The following POU6F2 variants were observed in gnomAD, a reference collection of about 807,000 sequenced individuals.
POU6F2 encodes the protein POU class 6 homeobox 2.
POU6F2 carries 31 observed loss-of-function variants against 71.3 expected under a neutral mutation model. The ratio of observed to expected loss-of-function variants is 0.43; its 90% CI spans 0.33 to 0.59. POU6F2 has a LOEUF of 0.59. Ranked by LOEUF, POU6F2 falls within the 20% of genes least tolerant of loss-of-function variation. The pLI is 0.04. For synonymous variants in POU6F2, 347 were observed against 355.7 expected (o/e 0.98, Z 0.27); for missense variants, 783 against 856.8 (o/e 0.91, Z 1.07).
intron 5 of POU6F2, among the ~76,000 whole-genome samples, chr7:39,390,761 G>A (rs73125530): frequency 0.11 from 17,392 of 152,226 alleles, 1,217 homozygotes; most frequent in Non-Finnish European, 0.15. Flanking sequence ...TGTTAGTGGC[G>A]TTACATGAGA....
intron 7 of POU6F2, among the ~76,000 whole-genome samples, chr7:39,449,671 A>T (rs1168745792): frequency 1.3e-5 from 2 of 152,200 alleles, no homozygotes; most frequent in African/African-American, 4.8e-5. Flanking sequence ...ACCTTTATTC[A>T]TCATAGCCCC....
intron 2 of POU6F2, among the ~76,000 whole-genome samples, chr7:39,154,855 G>T (rs1016830282): frequency 5.3e-5 from 8 of 152,158 alleles, no homozygotes; most frequent in Admixed American, 1.3e-4. Flanking sequence ...GCAAAATGGA[G>T]AAGGTGGCTG....
intron 4 of POU6F2, among the ~76,000 whole-genome samples, chr7:39,219,177 CTTAT>C (rs1794301393): frequency 6.6e-6 from 1 of 152,098 alleles, no homozygotes; most frequent in African/African-American, 2.4e-5. Context: ...TTGCTTACCC[CTTAT>C]TTAGCCGGAA....
chr7:39,044,976 G>C (rs1790261548), intron 1 of POU6F2, among the ~76,000 whole-genome samples: 1 of 151,826 alleles, frequency 6.6e-6, no homozygotes, highest in African/African-American at 2.4e-5. Context: ...ACCCTCACCA[G>C]ATGCAAATCT....
chr7:39,200,934 G>C (rs1185520428), intron 2 of POU6F2, among the ~76,000 whole-genome samples: 1 of 152,044 alleles, frequency 6.6e-6, no homozygotes, highest in Non-Finnish European at 1.5e-5. Flanking sequence ...GGCTGAAGCA[G>C]GAGGATTGCT....
At chr7:39,082,835 C>CACACAA (rs1178781890) in intron 1 of POU6F2, among the ~76,000 whole-genome samples, 3 of 149,072 alleles carry the variant, frequency 2.0e-5, no homozygotes, top group Admixed American at 6.7e-5. Flanking sequence ...CACACACACA[C>CACACAA]AAATATATAT....
At chr7:39,115,532 A>T (rs1376774156) in intron 2 of POU6F2, among the ~76,000 whole-genome samples, 1 of 152,078 alleles carries the variant, frequency 6.6e-6, no homozygotes, top group African/African-American at 2.4e-5. Flanking sequence ...ATGGCTTTAA[A>T]GCCAGCCCAG....
intron 2 of POU6F2, among the ~76,000 whole-genome samples, chr7:39,195,360 A>G (rs1342729481): frequency 1.3e-5 from 2 of 152,178 alleles, no homozygotes; most frequent in African/African-American, 2.4e-5. Context: ...ATCATTTTCA[A>G]TTGAAATAAT....
intron 1 of POU6F2, among the ~76,000 whole-genome samples, chr7:38,982,110 A>G (rs558127886): frequency 1.3e-5 from 2 of 152,288 alleles, no homozygotes; most frequent in Admixed American, 1.3e-4. Flanking sequence ...CCCTCTGTCA[A>G]TTTAGACTGA....
intron 3 of POU6F2, 119 bp downstream of exon 3, chr7:39,204,445 T>C (rs1415404336): frequency 1.3e-5 from 10 of 748,458 alleles, no homozygotes; most frequent in African/African-American, 1.8e-5. Flanking sequence ...AAGATGGTAA[T>C]AAATTTTCGT....
intron 2 of POU6F2, among the ~76,000 whole-genome samples, chr7:39,138,335 T>C (rs933758681): frequency 6.6e-6 from 1 of 152,176 alleles, no homozygotes; most frequent in Non-Finnish European, 1.5e-5. Flanking sequence ...AACCCCTGGA[T>C]CATGGATCAG....
At chr7:39,288,606 T>A (rs1784693472) in intron 4 of POU6F2, among the ~76,000 whole-genome samples, 2 of 152,208 alleles carry the variant, frequency 1.3e-5, no homozygotes, top group African/African-American at 2.4e-5. Context: ...GAATCATCTG[T>A]CCTACAGTGC....
chr7:39,376,620 C>T (rs796668112), intron 5 of POU6F2, among the ~76,000 whole-genome samples: 14 of 152,244 alleles, frequency 9.2e-5, no homozygotes, highest in African/African-American at 3.4e-4. Flanking sequence ...AGAAACATAC[C>T]TAAGGCCACA....
At chr7:39,149,149 C>T (rs1792687961) in intron 2 of POU6F2, among the ~76,000 whole-genome samples, 1 of 152,074 alleles carries the variant, frequency 6.6e-6, no homozygotes, top group African/African-American at 2.4e-5. Flanking sequence ...TGATGTGGTG[C>T]CTTATTCTCA....
chr7:39,207,525 T>G lies in POU6F2; in HGVS notation c.503T>G (p.Leu168Arg), dbSNP rs368561673. Residue 168 changes from leucine to arginine, a missense_variant, in exon 4 of 10, where the codon CTC (leucine) becomes CGC (arginine). Leu to Arg is a moderately radical substitution (Grantham distance 102). Around this residue, in one of 2 missense-constraint regions of POU6F2, gnomAD observed 572 missense variants for 572.9 expected, o/e 1.00. Coordinates refer to ENST00000518318, the MANE Select transcript of POU6F2 (RefSeq NM_001370959.1). ...GQLGGQQGLV[L>R]TLPTANLTNI... is the part of the protein sequence containing the mutation. ...CTAGGAGGCCAGCAAGGACTGGTTCTCACACTGCCAACAGCGAATCTCACC... is the reference window on the plus strand; with the variant it reads ...CTAGGAGGCCAGCAAGGACTGGTTCGCACACTGCCAACAGCGAATCTCACC... The G allele has an allele frequency of 6.2e-7, 1 of 1,613,922 alleles. No individual in the cohort carries two copies. The highest frequency in any genetic ancestry group is 8.5e-7 in the Non-Finnish European group (1 of 1,179,894).
intron 4 of POU6F2, among the ~76,000 whole-genome samples, chr7:39,312,894 G>T (rs1347141503): frequency 1.3e-5 from 2 of 152,176 alleles, no homozygotes; most frequent in Non-Finnish European, 2.9e-5. Flanking sequence ...ACGCTACTCG[G>T]AATGGCATGC....
chr7:39,455,672 G>C (rs1788783612), intron 8 of POU6F2, among the ~76,000 whole-genome samples: 1 of 152,088 alleles, frequency 6.6e-6, no homozygotes, highest in South Asian at 2.1e-4. Flanking sequence ...AACCCATTTA[G>C]CAGCACCTTA....
chr7:39,173,852 T>G (rs1184629388), intron 2 of POU6F2, among the ~76,000 whole-genome samples: 1 of 152,226 alleles, frequency 6.6e-6, no homozygotes, highest in East Asian at 1.9e-4. Flanking sequence ...AACCACAGGT[T>G]CTTAGCATGG....
intron 2 of POU6F2, among the ~76,000 whole-genome samples, chr7:39,116,459 G>A (rs973772168): frequency 6.6e-6 from 1 of 152,064 alleles, no homozygotes; most frequent in East Asian, 1.9e-4. Flanking sequence ...TGTTTACAAG[G>A]TGCCAGGTAC....
Sources: gnomAD v4.1 joint callset for allele counts (sites outside exome capture counted in the v4.1 genomes callset) on GRCh38, gnomAD v4.1.1 for gene constraint, gnomAD v4.1.1 regional missense constraint, MANE v1.5 for transcripts, NCBI Gene and HGNC (gene_info 2026-07-23, HGNC 2026-07-21) for gene names.